NAAA: variants seen among roughly 807,000 people sequenced by gnomAD.
NAAA encodes N-acylethanolamine acid amidase.
NAAA carries 39 observed loss-of-function variants against 44.8 expected under a neutral mutation model. That is an observed-to-expected ratio of 0.87 (90% CI 0.67 to 1.14). NAAA has a LOEUF of 1.14. Ranked by LOEUF, NAAA falls within the 50% of genes most tolerant of loss-of-function variation. The pLI, the probability that NAAA is intolerant of heterozygous loss-of-function variation, is 0.00. For missense variants in NAAA, 460 were observed against 467.8 expected, an observed-to-expected ratio of 0.98 and a Z score of 0.15; for synonymous variants, 178 against 191.3, an observed-to-expected ratio of 0.93 and a Z score of 0.58.
intron 3 of NAAA, chr4:75,934,896 G>C (rs912648332): frequency 6.6e-6 from 1 of 152,100 alleles, no homozygotes; most frequent in Non-Finnish European, 1.5e-5. Context: ...GTGAGTTTCA[G>C]AGCAGCTGAA....
chr4:75,930,978 A>AC (rs1727178828), intron 4 of NAAA, among the ~76,000 whole-genome samples: 1 of 148,654 alleles, frequency 6.7e-6, no homozygotes, highest in Non-Finnish European at 1.5e-5. Flanking sequence ...TGTACTAACC[A>AC]CCCCACCTCC....
At chr4:75,923,673 G>A (rs1227819678) in intron 5 of NAAA, among the ~76,000 whole-genome samples, 2 of 151,702 alleles carry the variant, frequency 1.3e-5, no homozygotes, top group Non-Finnish European at 2.9e-5. Flanking sequence ...CCAAGGGGCT[G>A]GGATTACAGA....
At chr4:75,917,311 T>A (rs1418918125) in intron 9 of NAAA, among the ~76,000 whole-genome samples, 1 of 152,164 alleles carries the variant, frequency 6.6e-6, no homozygotes, top group Non-Finnish European at 1.5e-5. Context: ...GTGGGAGTAT[T>A]CACACCATGG....
chr4:75,923,609 G>T (rs1031554722), intron 5 of NAAA, among the ~76,000 whole-genome samples: 1 of 149,274 alleles, frequency 6.7e-6, no homozygotes, highest in Non-Finnish European at 1.5e-5. Flanking sequence ...GTGTGATCTC[G>T]GCTCACTGCA....
At chr4:75,911,310 G>C (rs1560494106), downstream of NAAA, 1 of 517,940 alleles carries the variant, frequency 1.9e-6, no homozygotes, top group African/African-American at 1.9e-5. Flanking sequence ...GGCTTAGCTT[G>C]GGCTCAGAGG....
Position 75,940,182 on chromosome 4 carries a change from C to T in NAAA, c.207-17G>A. 2 of 1,610,200 alleles carry T rather than the reference C, an allele frequency of 1.2e-6. No homozygotes were observed. The highest frequency in any genetic ancestry group is 1.7e-5 in the Admixed American group (1 of 59,954). On this transcript the variant is annotated splice_polypyrimidine_tract_variant and intron_variant, in intron 1 of 10. Coordinates refer to ENST00000286733, the MANE Select transcript of NAAA (RefSeq NM_014435.4). ...ACTCTGTCCCTAGAAACAAAAAGCACAAGGGCGTCTGACCCGCTCAGAGGT... is the reference window on the plus strand; with the variant it reads ...ACTCTGTCCCTAGAAACAAAAAGCATAAGGGCGTCTGACCCGCTCAGAGGT...
chr4:75,925,508 T>G (rs1301907138), intron 5 of NAAA, among the ~76,000 whole-genome samples: 1 of 152,246 alleles, frequency 6.6e-6, no homozygotes, highest in Non-Finnish European at 1.5e-5. Context: ...ACTGGACTCT[T>G]CCTTACTCCA....
downstream of NAAA, among the ~76,000 whole-genome samples, chr4:75,911,161 G>C (rs537553480): frequency 6.6e-6 from 1 of 152,330 alleles, no homozygotes; most frequent in East Asian, 1.9e-4. Context: ...CAATTGATCA[G>C]TTAGGGTGGG....
At position 75,918,626 on chromosome 4, in the gene NAAA, C is replaced by T. The variant is rs1725850188; in HGVS notation, c.998+135G>A. On this transcript the variant is annotated intron_variant, in intron 9 of 10. Coordinates refer to ENST00000286733, the MANE Select transcript of NAAA (RefSeq NM_014435.4). ...TTTGTTTTGCTCGCAGCTGTACCCA[C>T]AGGAGTGCCCCCACAGGAGTGCCCC... The T allele has an allele frequency of 5.7e-5, 47 of 819,566 alleles. 1 individual carries two copies. In the South Asian group the frequency reaches 6.2e-4, roughly 11 times the overall value. 50.8% of individuals were successfully genotyped at this position (819,566 alleles called of 1,614,324 possible).
rs754868417 is a variant in NAAA, at chr4:75,913,820, C to T, written c.*555G>A. On this transcript the variant is annotated 3_prime_UTR_variant, in exon 11 of 11. Transcript: ENST00000286733. ...GAGGGCCATAGGTTTTTCAATAAAA[C>T]GTTAGAAACATTATAAAAAACGAGA... The T allele has an allele frequency of 8.7e-5, 86 of 985,014 alleles. No individual in the cohort carries two copies. The highest frequency in any genetic ancestry group is 9.8e-5 in the Non-Finnish European group (81 of 829,728). The allele number at this position is 985,014 out of a possible 1,614,324, so 61.0% of individuals were successfully genotyped here.
downstream of NAAA, among the ~76,000 whole-genome samples, chr4:75,911,005 A>C (rs752921593): frequency 1.6e-4 from 25 of 152,186 alleles, no homozygotes; most frequent in Non-Finnish European, 3.2e-4. Context: ...GGATCTTACA[A>C]AGTACATTCT....
intron 4 of NAAA, among the ~76,000 whole-genome samples, chr4:75,928,928 C>CA (rs1726985120): frequency 6.6e-6 from 1 of 151,652 alleles, no homozygotes; most frequent in Admixed American, 6.6e-5. Flanking sequence ...GCTGGGACTA[C>CA]AGGCACCCGC....
chr4:75,931,219 T>C lies in NAAA; in HGVS notation c.584A>G (p.Glu195Gly), dbSNP rs1727200098. The C allele has an allele frequency of 6.2e-7, 1 of 1,611,970 alleles. No individual in the cohort carries two copies. The highest frequency in any genetic ancestry group is 2.2e-5 in the East Asian group (1 of 44,836). Residue 195 changes from glutamate to glycine, a missense_variant, in exon 4 of 11, where the codon GAA (glutamate) becomes GGA (glycine). Physicochemically the swap from Glu to Gly is moderately conservative, Grantham distance 98. Transcript: ENST00000286733. ...SPHKFTVSGD[E>G]RDKGWWWENA... ...CAGGGGTTTGTTTTGATTACCTCGT[T>C]CATCACCAGAAACTGTAAACTTGTG...
chr4:75,920,782 TG>T lies in NAAA; in HGVS notation c.857del (p.Thr286LysfsTer55), dbSNP rs751262133. 6.2e-7 allele frequency: 1 copy of T among 1,614,222 alleles called. No individual in the cohort carries two copies. Among genetic ancestry groups the T allele is most frequent in the Non-Finnish European group, 8.5e-7 (1 of 1,180,042 alleles). ...PLNGAWFRVE[T>X]NYDHWKPAPK... Reference sequence around the variant, plus strand: ...GTGCTGGCTTCCAGTGGTCGTAATTTGTCTCAACTCGGAACCACCTACAACA... The same window carrying T: ...GTGCTGGCTTCCAGTGGTCGTAATTTTCTCAACTCGGAACCACCTACAACA... On this transcript the variant is annotated frameshift_variant, in exon 7 of 11. Transcript: ENST00000286733. LOFTEE classifies it high-confidence loss of function.
At chr4:75,916,827 G>A (rs1026538682) in intron 9 of NAAA, among the ~76,000 whole-genome samples, 9 of 111,038 alleles carry the variant, frequency 8.1e-5, no homozygotes, top group Admixed American at 7.0e-4. Context: ...TCCCTCTGTC[G>A]CCCAGGCTGG....
chr4:75,940,829 C>A lies in NAAA; in HGVS notation c.121G>T (p.Asp41Tyr). ...AGCCAGCGCAGCTCGGGGACCGAGT[C>A]CAGGCTCACGTTGAAGCGCGGCGCT... Reference protein sequence around the residue: ...PAAPRFNVSLDSVPELRWLPV... With the variant: ...PAAPRFNVSLYSVPELRWLPV... The change falls in exon 1 of 11, where the codon GAC becomes TAC. Residue 41 changes from aspartate (D) to tyrosine (Y), a missense_variant. Asp to Tyr is a radical substitution (Grantham distance 160). Coordinates refer to ENST00000286733, the MANE Select transcript of NAAA (RefSeq NM_014435.4). 6.3e-7 allele frequency: 1 copy of A among 1,594,996 alleles called. No homozygotes were observed. The highest frequency in any genetic ancestry group is 8.5e-7 in the Non-Finnish European group (1 of 1,177,718).
At chr4:75,917,776 TA>T (rs34444403) in intron 9 of NAAA, 125,295 of 365,352 alleles carry the variant, frequency 0.34, 6,014 homozygotes, top group East Asian at 0.43. Context: ...TGCTTTCACT[TA>T]AAAAAAAAAA....
chr4:75,918,841 C>A (rs771256962), intron 8 of NAAA, 52 bp from the exon 9 acceptor site: 2 of 1,537,010 alleles, frequency 1.3e-6, no homozygotes, highest in Middle Eastern at 3.4e-4. Flanking sequence ...AGAAGAAATA[C>A]ACATAGAATA....
At chr4:75,920,264 G>A (rs1055727577) in intron 7 of NAAA, among the ~76,000 whole-genome samples, 1 of 152,200 alleles carries the variant, frequency 6.6e-6, no homozygotes, top group Non-Finnish European at 1.5e-5. Context: ...CCAAGGCAAC[G>A]TATATAGCTA....
Sources: allele counts gnomAD v4.1 joint callset (sites outside exome capture counted in the v4.1 genomes callset), GRCh38; gene constraint gnomAD v4.1.1; transcripts MANE v1.5; gene names NCBI Gene and HGNC (gene_info 2026-07-23, HGNC 2026-07-21).